Variants in VPS45 observed in about 807,000 individuals in gnomAD.
The protein encoded by VPS45 is vacuolar protein sorting-associated protein 45.
A neutral mutation model predicts 75.9 loss-of-function variants in VPS45; 35 were observed. The ratio of observed to expected loss-of-function variants is 0.46; its 90% CI spans 0.35 to 0.61. The LOEUF (loss-of-function observed/expected upper bound fraction) is 0.61. VPS45 is among the 20% of genes least tolerant of loss of function. The pLI is 0.00. For synonymous variants in VPS45, 220 were observed against 238.2 expected (o/e 0.92, Z 0.70); for missense variants, 559 against 685.9 (o/e 0.81, Z 2.07).
chr1:150,070,850 AAG>A (rs1553796910), intron 2 of VPS45, among the ~76,000 whole-genome samples: 3 of 151,848 alleles, frequency 2.0e-5, no homozygotes, highest in African/African-American at 7.2e-5. Context: ...ATTTTTAAAA[AAG>A]AATCTTTCCT....
intron 14 of VPS45, among the ~76,000 whole-genome samples, chr1:150,137,995 T>A (rs868960195): frequency 1.3e-5 from 2 of 151,518 alleles, no homozygotes; most frequent in South Asian, 2.1e-4. Flanking sequence ...ACCCCCTTAC[T>A]CTTTCTAGGC....
intron 14 of VPS45, among the ~76,000 whole-genome samples, chr1:150,111,972 A>G (rs1205744693): frequency 6.6e-6 from 1 of 152,162 alleles, no homozygotes; most frequent in African/African-American, 2.4e-5. Flanking sequence ...CATTCATTAA[A>G]CAAATATTTA....
At chr1:150,118,242 C>A (rs1233965738) in intron 14 of VPS45, among the ~76,000 whole-genome samples, 2 of 144,640 alleles carry the variant, frequency 1.4e-5, no homozygotes, top group East Asian at 4.1e-4. Flanking sequence ...TGAGATGGCA[C>A]CATTGCACTC....
intron 7 of VPS45, among the ~76,000 whole-genome samples, chr1:150,080,391 A>G (rs2101530958): frequency 6.6e-6 from 1 of 151,886 alleles, no homozygotes; most frequent in South Asian, 2.1e-4. Flanking sequence ...TGATCCACCC[A>G]CCTCAGCCTC....
At chr1:150,103,925 C>G (rs1657179521) in intron 13 of VPS45, among the ~76,000 whole-genome samples, 2 of 152,110 alleles carry the variant, frequency 1.3e-5, no homozygotes, top group Admixed American at 1.3e-4. Flanking sequence ...CTCCCTTCTT[C>G]TTAATAAAAT....
intron 14 of VPS45, among the ~76,000 whole-genome samples, chr1:150,141,586 T>G (rs1197126413): frequency 6.6e-6 from 1 of 152,224 alleles, no homozygotes; most frequent in East Asian, 1.9e-4. Flanking sequence ...AGGTTGACTT[T>G]TTAAAATCAG....
intron 10 of VPS45, among the ~76,000 whole-genome samples, chr1:150,086,736 G>A (rs1320431105): frequency 1.3e-5 from 2 of 152,236 alleles, no homozygotes; most frequent in East Asian, 3.9e-4. Flanking sequence ...TTACCAGTCA[G>A]TAGAATTGGG....
At chr1:150,116,354 A>C (rs1657930898) in intron 14 of VPS45, among the ~76,000 whole-genome samples, 1 of 152,226 alleles carries the variant, frequency 6.6e-6, no homozygotes, top group Admixed American at 6.5e-5. Context: ...ATAAAGCAAT[A>C]ATAGTTCATA....
chr1:150,097,212 A>C (rs1553803188), intron 13 of VPS45, among the ~76,000 whole-genome samples: 1 of 150,740 alleles, frequency 6.6e-6, no homozygotes, highest in African/African-American at 2.4e-5. Context: ...CAGCCTCCTG[A>C]GTAGCTGGGA....
At chr1:150,107,901 CAAAA>C (rs367885029) in intron 13 of VPS45, among the ~76,000 whole-genome samples, 254 of 150,848 alleles carry the variant, frequency 1.7e-3, no homozygotes, top group African/African-American at 6.0e-3. Context: ...GACTCCGTCT[CAAAA>C]AAAAAGCAAA....
chr1:150,080,197 G>A (rs893812368), intron 7 of VPS45, among the ~76,000 whole-genome samples: 1 of 150,436 alleles, frequency 6.6e-6, no homozygotes, highest in Admixed American at 6.6e-5. Flanking sequence ...CCAGGCTGGA[G>A]TGCAATGGTG....
chr1:150,082,933 C>A, intron 10 of VPS45, 50 bp downstream of exon 10: 1 of 1,527,574 alleles, frequency 6.5e-7, no homozygotes, highest in Non-Finnish European at 8.8e-7. Context: ...CTGTGCCAGG[C>A]AGAGCAAGAG....
Position 150,077,181 on chromosome 1 carries a change from C to G in VPS45, c.526C>G (p.Arg176Gly). 1.9e-6 allele frequency: 3 copies of G among 1,614,022 alleles called. No individual in the cohort carries two copies. Among genetic ancestry groups the G allele is most frequent in the Non-Finnish European group, 2.5e-6 (3 of 1,179,988 alleles). ...ATCTCTGAAGAAGTGTCCCATGATTCGTTATCAGCTCTCATCAGAGGCAGC... is the reference window on the plus strand; with the variant it reads ...ATCTCTGAAGAAGTGTCCCATGATTGGTTATCAGCTCTCATCAGAGGCAGC... Reference protein sequence around the residue: ...LLSLKKCPMIRYQLSSEAAKR... With the variant: ...LLSLKKCPMIGYQLSSEAAKR... Residue 176 changes from arginine (R) to glycine (G), a missense_variant, in exon 6 of 15, where the codon CGT (arginine) becomes GGT (glycine). Arg to Gly is a moderately radical substitution (Grantham distance 125). Transcript: ENST00000644510.
At chr1:150,070,101 C>A (rs1654967732) in intron 2 of VPS45, among the ~76,000 whole-genome samples, 1 of 152,162 alleles carries the variant, frequency 6.6e-6, no homozygotes, top group Non-Finnish European at 1.5e-5. Flanking sequence ...TTAACTTCTT[C>A]AAGTAACCCT....
At position 150,081,876 on chromosome 1, in the gene VPS45, T is replaced by C. The variant is rs1019641850; in HGVS notation, c.823-8T>C. On this transcript the variant is annotated splice_polypyrimidine_tract_variant and splice_region_variant and intron_variant, in intron 8 of 14. Coordinates refer to ENST00000644510, the MANE Select transcript of VPS45 (RefSeq NM_007259.5). The stretch of plus-strand genomic sequence containing the variant: ...GATGAAGTGTGCTTCCAACTTTCTT[T>C]TTCACAGAATATGTACCTGAACTTT... 3 of 1,574,500 alleles carry C rather than the reference T, an allele frequency of 1.9e-6. No individual in the cohort carries two copies. Among genetic ancestry groups the C allele is most frequent in the Non-Finnish European group, 1.7e-6 (2 of 1,154,732 alleles).
At position 150,076,903 on chromosome 1, in the gene VPS45, G is replaced by C; in HGVS notation, c.370-13G>C. On this transcript the variant is annotated splice_polypyrimidine_tract_variant and intron_variant, in intron 4 of 14. Transcript: ENST00000644510. ...AGTTTATGGAATGACTATTCTTGGT[G>C]CTTTATTTGCAGGAATTTTATGGTG... is the stretch of plus-strand genomic sequence containing the variant. 6.2e-7 allele frequency: 1 copy of C among 1,613,726 alleles called. No homozygotes were observed. The highest frequency in any genetic ancestry group is 8.5e-7 in the Non-Finnish European group (1 of 1,179,874).
chr1:150,096,949 A>G (rs1656684947), intron 13 of VPS45, among the ~76,000 whole-genome samples: 1 of 152,070 alleles, frequency 6.6e-6, no homozygotes, highest in Non-Finnish European at 1.5e-5. Context: ...CTAAATATCT[A>G]TTAATAGAGG....
chr1:150,112,712 T>C (rs1657712217), intron 14 of VPS45, among the ~76,000 whole-genome samples: 1 of 152,146 alleles, frequency 6.6e-6, no homozygotes, highest in Non-Finnish European at 1.5e-5. Context: ...CCACCCCTAC[T>C]TCAGATGCCA....
chr1:150,098,141 G>T (rs1252635917), intron 13 of VPS45, among the ~76,000 whole-genome samples: 5 of 152,168 alleles, frequency 3.3e-5, no homozygotes, highest in African/African-American at 1.2e-4. Context: ...GAGCCACCAT[G>T]CCCTGCCTAC....
Sources: gnomAD v4.1 joint callset for allele counts (sites outside exome capture counted in the v4.1 genomes callset) on GRCh38, gnomAD v4.1.1 for gene constraint, MANE v1.5 for transcripts, NCBI Gene and HGNC (gene_info 2026-07-23, HGNC 2026-07-21) for gene names.